Variants in GSN observed in about 807,000 individuals in gnomAD.
GSN encodes the protein gelsolin.
GSN carries 56 observed loss-of-function variants against 85.7 expected under a neutral mutation model. That is an observed-to-expected ratio of 0.65 (90% confidence interval 0.53 to 0.82). The LOEUF is 0.82. GSN is among the 40% of genes least tolerant of loss of function. The probability of loss-of-function intolerance (pLI) is 0.00; values close to 1 mark genes in which losing one functional copy is unlikely to be tolerated. For synonymous variants in GSN, 373 were observed against 399.1 expected, an observed-to-expected ratio of 0.93 and a Z score of 0.78; for missense variants, 857 against 979.8, an observed-to-expected ratio of 0.87 and a Z score of 1.67.
chr9:121,228,433 T>A (rs1362493228), intron 4 of GSN, among the ~76,000 whole-genome samples: 2,817 of 102,962 alleles, frequency 0.027, 195 homozygotes, highest in African/African-American at 0.12. Flanking sequence ...TATTTTTTTT[T>A]TTTTTTTTTT....
intron 4 of GSN, chr9:121,310,420 C>T: frequency 2.0e-6 from 1 of 497,864 alleles, no homozygotes; most frequent in Admixed American, 3.2e-5. Context: ...CAGAAAGATG[C>T]AGTGGGCAGG....
At chr9:121,277,944 A>G (rs937381251) in intron 1 of GSN, among the ~76,000 whole-genome samples, 2 of 152,242 alleles carry the variant, frequency 1.3e-5, no homozygotes, top group African/African-American at 4.8e-5. Context: ...AAGAATATGC[A>G]ACAGAGAGGG....
At chr9:121,317,467 C>T in intron 8 of GSN, 1 of 506,218 alleles carries the variant, frequency 2.0e-6, no homozygotes, top group Non-Finnish European at 3.6e-6. Flanking sequence ...ATTATAACGT[C>T]AGTTCTCTGA....
intron 4 of GSN, among the ~76,000 whole-genome samples, chr9:121,307,877 C>G (rs1447041994): frequency 6.6e-6 from 1 of 152,202 alleles, no homozygotes; most frequent in African/African-American, 2.4e-5. Context: ...TCTGCGCTTC[C>G]CCTGCATTGC....
intron 6 of GSN, among the ~76,000 whole-genome samples, chr9:121,249,155 T>C (rs1201385238): frequency 6.6e-6 from 1 of 151,930 alleles, no homozygotes; most frequent in African/African-American, 2.4e-5. Flanking sequence ...GCAGGCAGGA[T>C]GATGTCTAAG....
At position 121,329,032 on chromosome 9, in the gene GSN, G is replaced by A. The variant is rs770220614; in HGVS notation, c.1887+17G>A. ...CGTTTTGTGGTGAGCCCCTGCGGAGGTCACACCTCTGCTTTCCCCTCGGGA... is the reference window on the plus strand; with the variant it reads ...CGTTTTGTGGTGAGCCCCTGCGGAGATCACACCTCTGCTTTCCCCTCGGGA... On this transcript the variant is annotated intron_variant, in intron 15 of 17. Transcript: ENST00000432226. This position sits in a 1 kb window ranked among gnomAD's most constrained non-coding sequence, Gnocchi z 4.6. The A allele has an allele frequency of 6.2e-7, 1 of 1,613,084 alleles. No individual in the cohort carries two copies. The highest frequency in any genetic ancestry group is 8.5e-7 in the Non-Finnish European group (1 of 1,179,884).
intron 5 of GSN, chr9:121,238,680 A>G (rs1014325525): frequency 2.8e-6 from 1 of 361,520 alleles, no homozygotes; most frequent in African/African-American, 2.1e-5. Flanking sequence ...GGTGCTCTTC[A>G]GCATATCTTT....
At chr9:121,330,712 A>G (rs2063790618) in intron 16 of GSN, among the ~76,000 whole-genome samples, 1 of 152,262 alleles carries the variant, frequency 6.6e-6, no homozygotes, top group East Asian at 1.9e-4. Flanking sequence ...AATGTGTAAT[A>G]GAACTTGTAA....
At position 121,239,274 on chromosome 9, in the gene GSN, G is replaced by A. The variant is rs1001142677; in HGVS notation, c.-389+7971G>A. 2.1e-5 allele frequency: 8 copies of A among 380,312 alleles called. No homozygotes were observed. The Admixed American group carries it at 2.3e-4, about 11-fold the overall frequency. The allele number at this position is 380,312 out of a possible 1,614,324, so 23.6% of individuals were successfully genotyped here. On this transcript the variant is annotated intron_variant, in intron 5 of 24. Coordinates refer to the GSN transcript ENST00000373823. The stretch of plus-strand genomic sequence containing the variant: ...TAACCAATACATGTTTCTCATATTG[G>A]TATGCCAGAAATTCGGCTGTGGTTA...
intron 1 of GSN, among the ~76,000 whole-genome samples, chr9:121,274,739 T>G (rs1203195757): frequency 6.6e-6 from 1 of 152,174 alleles, no homozygotes; most frequent in African/African-American, 2.4e-5. Flanking sequence ...ATATTCTTGC[T>G]AAACCGACCT....
At chr9:121,230,775 G>A (rs1182550590) in intron 4 of GSN, among the ~76,000 whole-genome samples, 5 of 152,156 alleles carry the variant, frequency 3.3e-5, no homozygotes, top group Non-Finnish European at 5.9e-5. Context: ...CATCAGTGCC[G>A]TTGCTATTAT....
chr9:121,282,388 G>A, intron 2 of GSN: 1 of 832,860 alleles, frequency 1.2e-6, no homozygotes, highest in Non-Finnish European at 1.7e-6. Flanking sequence ...AATTGTGCAA[G>A]AACCCAGGAA....
intron 2 of GSN, chr9:121,286,626 T>C: frequency 4.6e-6 from 7 of 1,526,960 alleles, no homozygotes; most frequent in Non-Finnish European, 6.1e-6. Context: ...TGAATGACTA[T>C]TGGTGTTCCT....
chr9:121,302,001 G>A lies in GSN; in HGVS notation c.30G>A (p.Lys10=), dbSNP rs1564478729. The A allele has an allele frequency of 1.2e-6, 2 of 1,614,130 alleles. No homozygotes were observed. Among genetic ancestry groups the A allele is most frequent in the East Asian group, 4.5e-5 (2 of 44,898 alleles). The part of the protein sequence containing the change: MVVEHPEFL[K]AGKEPGLQIW... ...TGGTGGAACACCCCGAGTTCCTCAA[G>A]GCAGGGAAGGAGCCTGGCCTGCAGA... Residue 10 remains lysine (K), a synonymous_variant, in exon 3 of 18, where the codon AAG becomes AAA. Coordinates refer to ENST00000432226, the MANE Select transcript of GSN (RefSeq NM_198252.3).
chr9:121,278,543 CTCTCTCCCCAA>C, intron 1 of GSN, among the ~76,000 whole-genome samples: 1 of 152,212 alleles, frequency 6.6e-6, no homozygotes, highest in African/African-American at 2.4e-5. Context: ...ATCGGGCGAG[CTCTCTCCCCAA>C]AGACTGGCCT....
intron 1 of GSN, among the ~76,000 whole-genome samples, chr9:121,279,376 A>G (rs756242955): frequency 6.6e-6 from 1 of 152,098 alleles, no homozygotes; most frequent in African/African-American, 2.4e-5. Flanking sequence ...AGGAGGATGC[A>G]TTGTAGGAGG....
intron 7 of GSN, among the ~76,000 whole-genome samples, chr9:121,316,730 C>T (rs1589112639): frequency 1.3e-5 from 2 of 152,338 alleles, no homozygotes; most frequent in East Asian, 3.9e-4. Flanking sequence ...CTGGGCCTCC[C>T]AGAGCGCTGG....
chr9:121,256,189 C>G (rs989473894), intron 6 of GSN, among the ~76,000 whole-genome samples: 1 of 152,038 alleles, frequency 6.6e-6, no homozygotes, highest in African/African-American at 2.4e-5. Context: ...CCTGTGCTGG[C>G]TTTTCTTGGG....
Position 121,327,362 on chromosome 9 carries a change from C to G in GSN, c.1642C>G (p.Pro548Ala). 6.2e-7 allele frequency: 1 copy of G among 1,614,028 alleles called. No homozygotes were observed. The highest frequency in any genetic ancestry group is 8.5e-7 in the Non-Finnish European group (1 of 1,179,940). Residue 548 changes from proline to alanine, a missense_variant, in exon 14 of 18, where the codon CCC becomes GCC. Physicochemically the swap from Pro to Ala is conservative, Grantham distance 27. Coordinates refer to ENST00000432226, the MANE Select transcript of GSN (RefSeq NM_198252.3). ...CAACGATGCCTTTGTTCTGAAAACC[C>G]CCTCAGCCGCCTACCTGTGGGTGGG... ...NSNDAFVLKTPSAAYLWVGTG... is the reference protein window; with the variant it reads ...NSNDAFVLKTASAAYLWVGTG...
Sources: gnomAD v4.1 joint callset for allele counts (sites outside exome capture counted in the v4.1 genomes callset) on GRCh38, gnomAD v4.1.1 for gene constraint, Gnocchi (gnomAD v3.1) non-coding constraint, MANE v1.5 for transcripts, NCBI Gene and HGNC (gene_info 2026-07-23, HGNC 2026-07-21) for gene names.